GRXCR1: variants seen among roughly 807,000 people sequenced by gnomAD.
The protein encoded by GRXCR1 is glutaredoxin and cysteine rich domain containing 1.
Under a neutral mutation model 27.3 loss-of-function variants are expected in GRXCR1, and 27 were observed. The ratio of observed to expected loss-of-function variants is 0.99; its 90% CI spans 0.73 to 1.37. GRXCR1 has a LOEUF of 1.37. Ranked by LOEUF, GRXCR1 falls within the 40% of genes most tolerant of loss-of-function variation. The pLI is 0.00. For missense variants in GRXCR1, 379 were observed against 354.4 expected (o/e 1.07, Z -0.56); for synonymous variants, 122 against 131.1 (o/e 0.93, Z 0.47).
chr4:42,926,744 A>T (rs555793119), intron 1 of GRXCR1, among the ~76,000 whole-genome samples: 20 of 152,092 alleles, frequency 1.3e-4, no homozygotes, highest in African/African-American at 4.8e-4. Context: ...GTGGCTGAAG[A>T]TGTCTTTCAT....
intron 2 of GRXCR1, among the ~76,000 whole-genome samples, chr4:43,011,823 A>T (rs1220827029): frequency 6.6e-6 from 1 of 152,020 alleles, no homozygotes; most frequent in Non-Finnish European, 1.5e-5. Flanking sequence ...ACAGCTGGGG[A>T]TGATGTCTTT....
At chr4:42,961,064 T>C (rs766120579) in intron 1 of GRXCR1, among the ~76,000 whole-genome samples, 1 of 151,806 alleles carries the variant, frequency 6.6e-6, no homozygotes, top group Non-Finnish European at 1.5e-5. Flanking sequence ...CATCCTCTCT[T>C]TGTTCACTTC....
intron 1 of GRXCR1, among the ~76,000 whole-genome samples, chr4:42,904,917 A>G (rs1322497005): frequency 6.6e-6 from 1 of 152,326 alleles, no homozygotes; most frequent in Non-Finnish European, 1.5e-5. Context: ...ACCCAATTCT[A>G]TAAATTTTAT....
chr4:42,977,003 T>C (rs1349449593), intron 2 of GRXCR1, among the ~76,000 whole-genome samples: 1 of 152,036 alleles, frequency 6.6e-6, no homozygotes, highest in Non-Finnish European at 1.5e-5. Flanking sequence ...GTAACCACCA[T>C]TCTACTCTCT....
At chr4:43,013,167 T>C (rs112234225) in intron 2 of GRXCR1, among the ~76,000 whole-genome samples, 2,295 of 152,280 alleles carry the variant, frequency 0.015, 27 homozygotes, top group Non-Finnish European at 0.02. Context: ...ATTGGGTATG[T>C]AGCAAAATAA....
chr4:42,937,859 T>A (rs1255256798), intron 1 of GRXCR1, among the ~76,000 whole-genome samples: 6 of 152,134 alleles, frequency 3.9e-5, no homozygotes, highest in African/African-American at 1.4e-4. Context: ...AAATGTATAA[T>A]AATCACATCA....
chr4:42,965,251 G>A (rs895357382), intron 2 of GRXCR1, among the ~76,000 whole-genome samples: 1 of 152,014 alleles, frequency 6.6e-6, no homozygotes, highest in Non-Finnish European at 1.5e-5. Context: ...TAGCCTAGAG[G>A]AGGAACTATC....
In GRXCR1 at chr4:42,974,231, C is replaced by T. The variant is rs148157774; in HGVS notation, c.627+11097C>T. 7.8e-3 allele frequency among the ~76,000 whole-genome samples: 1,186 copies of T among 152,080 alleles called. 16 individuals are homozygous for T. Among genetic ancestry groups the T allele is most frequent in the African/African-American group, 0.027 (1,135 of 41,490 alleles). On this transcript the variant is annotated intron_variant, in intron 2 of 3. Transcript: ENST00000399770. ...GGCTGGAAAATTGGGATTGATTGGTCAGGGTAGGAGGGATGAAATCATCAA... is the reference window on the plus strand; with the variant it reads ...GGCTGGAAAATTGGGATTGATTGGTTAGGGTAGGAGGGATGAAATCATCAA...
At chr4:42,951,112 G>A (rs544729009) in intron 1 of GRXCR1, among the ~76,000 whole-genome samples, 5 of 152,186 alleles carry the variant, frequency 3.3e-5, no homozygotes, top group African/African-American at 1.2e-4. Flanking sequence ...TTAAGTTTGA[G>A]TCTGAAGGCA....
intron 1 of GRXCR1, among the ~76,000 whole-genome samples, chr4:42,939,046 T>C (rs1286790541): frequency 1.3e-5 from 2 of 152,072 alleles, no homozygotes; most frequent in Non-Finnish European, 2.9e-5. Context: ...CTGTAAAGAA[T>C]GTCATCAGTA....
chr4:43,000,759 A>G (rs1712329602), intron 2 of GRXCR1, among the ~76,000 whole-genome samples: 1 of 151,948 alleles, frequency 6.6e-6, no homozygotes, highest in South Asian at 2.1e-4. Context: ...CCTGAAATGT[A>G]TCCTCCAGAG....
At chr4:43,019,364 C>G (rs1392327325) in intron 2 of GRXCR1, among the ~76,000 whole-genome samples, 1 of 152,120 alleles carries the variant, frequency 6.6e-6, no homozygotes, top group Admixed American at 6.6e-5. Context: ...ATGAGTCCTG[C>G]TTGGCACCCT....
chr4:43,011,055 CA>C (rs1417711922), intron 2 of GRXCR1, among the ~76,000 whole-genome samples: 2 of 152,174 alleles, frequency 1.3e-5, no homozygotes, highest in African/African-American at 4.8e-5. Context: ...TGCAGCCTCC[CA>C]ACACATCCTC....
chr4:43,023,582 A>T (rs1430770586), intron 3 of GRXCR1, among the ~76,000 whole-genome samples: 1 of 152,214 alleles, frequency 6.6e-6, no homozygotes, highest in African/African-American at 2.4e-5. Flanking sequence ...TGGTCTCAGT[A>T]GAGTTGGTTG....
At chr4:42,912,891 C>T (rs1202330136) in intron 1 of GRXCR1, among the ~76,000 whole-genome samples, 1 of 152,026 alleles carries the variant, frequency 6.6e-6, no homozygotes, top group Non-Finnish European at 1.5e-5. Context: ...AGCAGTTTCC[C>T]CTCTAGTGTC....
intron 2 of GRXCR1, among the ~76,000 whole-genome samples, chr4:43,011,779 G>T (rs1712758664): frequency 6.6e-6 from 1 of 152,120 alleles, no homozygotes; most frequent in South Asian, 2.1e-4. Context: ...TTGCCCATAA[G>T]CTTCAGCACA....
chr4:42,905,970 G>T (rs771786292), intron 1 of GRXCR1, among the ~76,000 whole-genome samples: 2 of 152,092 alleles, frequency 1.3e-5, no homozygotes, highest in Non-Finnish European at 2.9e-5. Context: ...ATGTAATTTG[G>T]CTCACATTGG....
intron 1 of GRXCR1, among the ~76,000 whole-genome samples, chr4:42,955,768 G>A (rs1158208457): frequency 2.0e-5 from 3 of 152,106 alleles, no homozygotes; most frequent in Non-Finnish European, 1.5e-5. Context: ...AGGCCTCTAA[G>A]TTCTCAGTGA....
chr4:43,011,419 G>A (rs1712746777), intron 2 of GRXCR1, among the ~76,000 whole-genome samples: 1 of 152,130 alleles, frequency 6.6e-6, no homozygotes. Context: ...AGTTTTGGCA[G>A]TTGTTGAGTA....
Sources: gnomAD v4.1 joint callset for allele counts (sites outside exome capture counted in the v4.1 genomes callset) on GRCh38, gnomAD v4.1.1 for gene constraint, MANE v1.5 for transcripts, NCBI Gene and HGNC (gene_info 2026-07-23, HGNC 2026-07-21) for gene names.